The following FER variants were observed in gnomAD, a reference collection of about 807,000 sequenced individuals.
FER encodes the protein FER tyrosine kinase.
A neutral mutation model predicts 111.0 loss-of-function variants in FER; 63 were observed. The observed-to-expected ratio is 0.57, with a 90% CI of 0.46 to 0.70. The LOEUF (loss-of-function observed/expected upper bound fraction) is 0.70, where lower values mean the gene tolerates loss of function less well. Among genes scored for constraint, FER ranks in the 30% least tolerant of loss-of-function variants. The pLI, the probability that FER is intolerant of heterozygous loss-of-function variation, is 0.00. For missense variants in FER, 914 were observed against 954.0 expected (o/e 0.96, Z 0.55); for synonymous variants, 327 against 313.9 (o/e 1.04, Z -0.44).
intron 17 of FER, among the ~76,000 whole-genome samples, chr5:109,144,712 C>T (rs1753887715): frequency 6.6e-6 from 1 of 152,006 alleles, no homozygotes; most frequent in Non-Finnish European, 1.5e-5. Context: ...AGCTAAGGGC[C>T]AGAGAGATGT....
intron 6 of FER, among the ~76,000 whole-genome samples, chr5:108,868,774 T>G (rs1289462804): frequency 6.6e-6 from 1 of 152,128 alleles, no homozygotes; most frequent in Non-Finnish European, 1.5e-5. Context: ...AAAAGGAACT[T>G]GGACCAGTTT....
intron 17 of FER, among the ~76,000 whole-genome samples, chr5:109,128,062 G>A (rs1582159813): frequency 1.3e-5 from 2 of 152,152 alleles, no homozygotes; most frequent in East Asian, 3.9e-4. Context: ...CTTTGATTTA[G>A]CGTTTAAATT....
chr5:109,145,306 T>C (rs1366148986), intron 17 of FER, among the ~76,000 whole-genome samples: 1 of 152,040 alleles, frequency 6.6e-6, no homozygotes, highest in Non-Finnish European at 1.5e-5. Context: ...CCAAAGAAAA[T>C]GCTCTCTTTG....
At chr5:108,841,804 C>G (rs908434436) in intron 5 of FER, 29 of 419,722 alleles carry the variant, frequency 6.9e-5, no homozygotes, top group Non-Finnish European at 1.2e-4. Flanking sequence ...CTCAGTCTTC[C>G]TTTCTTTTTT....
At chr5:109,000,521 T>G (rs866252796) in intron 13 of FER, among the ~76,000 whole-genome samples, 2 of 152,020 alleles carry the variant, frequency 1.3e-5, no homozygotes, top group Admixed American at 6.6e-5. Flanking sequence ...GAGGGAAATT[T>G]ATAGCATGAA....
At chr5:108,934,568 C>T (rs1294335848) in intron 10 of FER, among the ~76,000 whole-genome samples, 3 of 152,114 alleles carry the variant, frequency 2.0e-5, no homozygotes, top group African/African-American at 7.2e-5. Context: ...TAATCAGCAA[C>T]TATATTGGAC....
Position 109,189,172 on chromosome 5 carries a change from T to TATCTA in FER, c.*1598_*1602dup, listed in dbSNP as rs1759187857. ...AACTAGGATTCTGTATCTTAACTCT[T>TATCTA]ATCTAGGGAACTTACTTACTTACCC... On this transcript the variant is annotated 3_prime_UTR_variant, in exon 20 of 20. Coordinates refer to ENST00000281092, the MANE Select transcript of FER (RefSeq NM_005246.4). The TATCTA allele has an allele frequency of 6.9e-6, 1 of 145,616 alleles. No individual in the cohort carries two copies. Among genetic ancestry groups the TATCTA allele is most frequent in the African/African-American group, 2.5e-5 (1 of 39,558 alleles). 9.0% of individuals were successfully genotyped at this position (145,616 alleles called of 1,614,324 possible). A position where few individuals can be genotyped will look rare whatever the true frequency, so the allele number is the denominator to read the frequency against.
chr5:108,790,298 AT>A (rs920031978), intron 2 of FER, among the ~76,000 whole-genome samples: 3 of 148,502 alleles, frequency 2.0e-5, no homozygotes, highest in Non-Finnish European at 4.5e-5. Context: ...TACATATGTG[AT>A]TTTTTTTCTC....
At chr5:109,141,239 A>G (rs544676799) in intron 17 of FER, among the ~76,000 whole-genome samples, 1 of 152,340 alleles carries the variant, frequency 6.6e-6, no homozygotes, top group South Asian at 2.1e-4. Flanking sequence ...TCAATTTTTT[A>G]TAAGCCATGT....
chr5:108,762,412 A>T (rs1202402984), intron 1 of FER, among the ~76,000 whole-genome samples: 1 of 152,108 alleles, frequency 6.6e-6, no homozygotes, highest in Non-Finnish European at 1.5e-5. Context: ...TACTTCTATC[A>T]TCCTGGTTCG....
intron 10 of FER, among the ~76,000 whole-genome samples, chr5:108,944,605 C>G (rs1011649481): frequency 6.6e-6 from 1 of 151,964 alleles, no homozygotes; most frequent in Non-Finnish European, 1.5e-5. Flanking sequence ...TCAGCACAGT[C>G]TGATGTGTTA....
chr5:108,873,542 G>A (rs974630331), intron 8 of FER, among the ~76,000 whole-genome samples: 3 of 152,158 alleles, frequency 2.0e-5, no homozygotes, highest in African/African-American at 7.2e-5. Flanking sequence ...TAGTAATTAT[G>A]GCATACTGAC....
chr5:109,085,455 A>ATTT (rs372809899), intron 16 of FER, among the ~76,000 whole-genome samples: 13 of 141,000 alleles, frequency 9.2e-5, no homozygotes, highest in South Asian at 2.2e-4. Context: ...AATCTGGTGG[A>ATTT]TTTTTTTTTT....
chr5:109,192,378 TC>T lies in FER; in HGVS notation c.*4804del, dbSNP rs1210074162. On this transcript the variant is annotated 3_prime_UTR_variant, in exon 20 of 20. Coordinates refer to ENST00000281092, the MANE Select transcript of FER (RefSeq NM_005246.4). ...CCTGTCCTATGGAAAATAAAAAAGATCAGCAGAACTAAAGCAAAAGCAGTCA... is the reference window on the plus strand; with the variant it reads ...CCTGTCCTATGGAAAATAAAAAAGATAGCAGAACTAAAGCAAAAGCAGTCA... 6.6e-6 allele frequency: 1 copy of T among 152,134 alleles called. No individual in the cohort carries two copies. The highest frequency in any genetic ancestry group is 1.5e-5 in the Non-Finnish European group (1 of 68,036). 9.4% of individuals were successfully genotyped at this position (152,134 alleles called of 1,614,324 possible).
chr5:108,794,536 C>CT (rs1554066098), intron 2 of FER, among the ~76,000 whole-genome samples: 13 of 127,486 alleles, frequency 1.0e-4, no homozygotes, highest in East Asian at 7.5e-4. Context: ...ACCCCCCCCC[C>CT]TCCCCGCACC....
At chr5:108,866,525 T>C (rs1211375659) in intron 5 of FER, among the ~76,000 whole-genome samples, 2 of 151,958 alleles carry the variant, frequency 1.3e-5, no homozygotes, top group African/African-American at 4.8e-5. Flanking sequence ...ACGTGGCACA[T>C]GTATACATAT....
chr5:108,864,251 A>G (rs1164663987), intron 5 of FER, among the ~76,000 whole-genome samples: 1 of 152,180 alleles, frequency 6.6e-6, no homozygotes, highest in African/African-American at 2.4e-5. Context: ...TATTGATAGT[A>G]GAGACATACA....
intron 2 of FER, among the ~76,000 whole-genome samples, chr5:108,772,010 C>T (rs1752950351): frequency 6.6e-6 from 1 of 151,980 alleles, no homozygotes; most frequent in African/African-American, 2.4e-5. Context: ...ATCAAGACAC[C>T]AGCAGGTTTA....
chr5:108,997,311 G>A (rs1416626257), intron 13 of FER, among the ~76,000 whole-genome samples: 4 of 150,992 alleles, frequency 2.6e-5, no homozygotes, highest in Non-Finnish European at 5.9e-5. Context: ...CCAGCTACTC[G>A]GGAGGCTGAG....
Sources: allele counts gnomAD v4.1 joint callset (sites outside exome capture counted in the v4.1 genomes callset), GRCh38; gene constraint gnomAD v4.1.1; transcripts MANE v1.5; gene names NCBI Gene and HGNC (gene_info 2026-07-23, HGNC 2026-07-21).